MARCHF1: variants seen among roughly 807,000 people sequenced by gnomAD.
MARCHF1 encodes the protein E3 ubiquitin-protein ligase MARCHF1.
Under a neutral mutation model 54.2 loss-of-function variants are expected in MARCHF1, and 40 were observed. That is an observed-to-expected ratio of 0.74 (90% CI 0.57 to 0.96). MARCHF1 has a LOEUF of 0.96. Among genes scored for constraint, MARCHF1 ranks in the 40% least tolerant of loss-of-function variants. The pLI is 0.00. For missense variants in MARCHF1, 586 were observed against 656.5 expected (o/e 0.89, Z 1.17); for synonymous variants, 236 against 236.3 (o/e 1.00, Z 0.01).
At position 163,691,041 on chromosome 4, in the gene MARCHF1, A is replaced by G. The variant is rs141556593; in HGVS notation, c.162+9772T>C. Among the ~76,000 whole-genome samples, 549 of 152,296 alleles carry G rather than the reference A, an allele frequency of 3.6e-3. 5 individuals are homozygous for G. The highest frequency in any genetic ancestry group is 0.012 in the African/African-American group (519 of 41,558). On this transcript the variant is annotated intron_variant, in intron 5 of 9. Coordinates refer to ENST00000514618, the MANE Select transcript of MARCHF1 (RefSeq NM_001394959.1). The stretch of plus-strand genomic sequence containing the variant: ...TCTTGGGCCCAAGTATTATAAGTAT[A>G]TAAGGCAAAGCGTCATTTTATGGCT...
rs1339272761 is a variant in MARCHF1 at position 164,105,459 on chromosome 4, T to C, written c.-248+6129A>G. 5.0e-4 allele frequency among the ~76,000 whole-genome samples: 73 copies of C among 146,672 alleles called. No homozygotes were observed. The South Asian group carries it at 5.1e-3, about 10-fold the overall frequency. On this transcript the variant is annotated intron_variant, in intron 2 of 9. Transcript: ENST00000514618. ...AGAACAGAGCCCTCAGAAATAACGCTGCATATCTACAACTATCTGATCTTT... is the reference window on the plus strand; with the variant it reads ...AGAACAGAGCCCTCAGAAATAACGCCGCATATCTACAACTATCTGATCTTT...
At position 163,994,528 on chromosome 4, in the gene MARCHF1, C is replaced by A. The variant is rs148639458; in HGVS notation, c.-247-5819G>T. Among the ~76,000 whole-genome samples, 1,404 of 151,616 alleles carry A rather than the reference C, an allele frequency of 9.3e-3. 18 individuals are homozygous for A. The highest frequency in any genetic ancestry group is 0.031 in the African/African-American group (1,284 of 41,316). On this transcript the variant is annotated intron_variant, in intron 2 of 9. Transcript: ENST00000514618. The stretch of plus-strand genomic sequence containing the variant: ...GGTACATGTATACATATGTAACAAA[C>A]CTGCATGTTGTGCACATGCACCCTA...
chr4:163,546,316 T>C (rs1484909617), intron 8 of MARCHF1, among the ~76,000 whole-genome samples: 1 of 152,184 alleles, frequency 6.6e-6, no homozygotes, highest in Non-Finnish European at 1.5e-5. Flanking sequence ...AAAAATAATT[T>C]TCTATTCTCC....
At chr4:164,123,175 T>C (rs1032855917) in intron 1 of MARCHF1, among the ~76,000 whole-genome samples, 15 of 152,086 alleles carry the variant, frequency 9.9e-5, no homozygotes, top group African/African-American at 3.6e-4. Context: ...CAGTGAATAA[T>C]GTGAAAATGA....
rs1738085679 is a variant in MARCHF1 at position 163,525,856 on chromosome 4, T to G, written c.*2892A>C. 1 of 152,096 alleles carries G rather than the reference T, an allele frequency of 6.6e-6. No homozygotes were observed. The highest frequency in any genetic ancestry group is 1.5e-5 in the Non-Finnish European group (1 of 67,986). 9.4% of individuals were successfully genotyped at this position (152,096 alleles called of 1,614,324 possible). A position where few individuals can be genotyped will look rare whatever the true frequency, so the allele number is the denominator to read the frequency against. The stretch of plus-strand genomic sequence containing the variant: ...CACAAAGCTAAATCGTTTTATTGTT[T>G]GAAAGGGCAAATGTTCCATTGCCAC... On this transcript the variant is annotated 3_prime_UTR_variant, in exon 10 of 10. Coordinates refer to ENST00000514618, the MANE Select transcript of MARCHF1 (RefSeq NM_001394959.1).
intron 4 of MARCHF1, among the ~76,000 whole-genome samples, chr4:163,776,946 T>G (rs1299237809): frequency 2.6e-5 from 4 of 152,284 alleles, no homozygotes; most frequent in African/African-American, 9.6e-5. Flanking sequence ...ATACAATGCC[T>G]TTGTACTCCC....
At position 164,255,390 on chromosome 4, in the gene MARCHF1, T is replaced by TA. The variant is rs3060483; in HGVS notation, c.-323+128479dup. Among the ~76,000 whole-genome samples the TA allele has an allele frequency of 2.4e-3, 313 of 132,182 alleles. 2 individuals are homozygous for TA. The highest frequency in any genetic ancestry group is 3.5e-3 in the Non-Finnish European group (218 of 61,584). The allele number at this position is 132,182 out of a possible 152,430, so 86.7% of individuals were successfully genotyped here. ...ATGATCAATGAAAAGGCAAGAAAGA[T>TA]AAAAAAAAAAAAAAATCAATGAACA... On this transcript the variant is annotated intron_variant, in intron 1 of 9. Transcript: ENST00000514618.
intron 3 of MARCHF1, among the ~76,000 whole-genome samples, chr4:163,884,010 T>G (rs909721004): frequency 6.6e-6 from 1 of 152,140 alleles, no homozygotes; most frequent in Non-Finnish European, 1.5e-5. Context: ...AATAGTGGGA[T>G]AAGAAAATAG....
intron 4 of MARCHF1, among the ~76,000 whole-genome samples, chr4:163,726,347 C>G (rs1745652610): frequency 6.6e-6 from 1 of 152,174 alleles, no homozygotes; most frequent in Non-Finnish European, 1.5e-5. Context: ...TCTAGAATGT[C>G]ATATAATTGA....
At chr4:164,063,666 A>G (rs1291938691) in intron 2 of MARCHF1, among the ~76,000 whole-genome samples, 1 of 152,354 alleles carries the variant, frequency 6.6e-6, no homozygotes, top group Admixed American at 6.5e-5. Flanking sequence ...AGTAAAAGAG[A>G]CATTTTCATT....
intron 1 of MARCHF1, among the ~76,000 whole-genome samples, chr4:164,174,150 C>G (rs1310434192): frequency 6.6e-6 from 1 of 152,104 alleles, no homozygotes; most frequent in Non-Finnish European, 1.5e-5. Context: ...TGCTGAGATT[C>G]AATGTGCAAT....
chr4:163,578,948 G>C (rs1740127636), intron 8 of MARCHF1, among the ~76,000 whole-genome samples: 1 of 152,154 alleles, frequency 6.6e-6, no homozygotes, highest in African/African-American at 2.4e-5. Flanking sequence ...CTGGTGATGT[G>C]AACTGAACTC....
rs943645479 is a variant in MARCHF1, at chr4:163,807,815, T to TG, written c.111+46205_111+46206insC. On this transcript the variant is annotated intron_variant, in intron 4 of 9. Transcript: ENST00000514618. ...TGAGTAGTGAAATCATAGGTTTTTT[T>TG]TTGTTGTTTGCTTGTTTCTTTTGCC... is the stretch of plus-strand genomic sequence containing the variant. Among the ~76,000 whole-genome samples the TG allele has an allele frequency of 6.6e-5, 10 of 151,742 alleles. No individual in the cohort carries two copies. The South Asian group carries it at 8.4e-4, about 13-fold the overall frequency.
intron 3 of MARCHF1, among the ~76,000 whole-genome samples, chr4:163,950,036 G>A (rs1752103229): frequency 6.6e-6 from 1 of 152,196 alleles, no homozygotes; most frequent in Admixed American, 6.5e-5. Context: ...GGGTGGTCAT[G>A]GGCGGGCCCA....
chr4:164,155,977 CG>C (rs1560931135), intron 1 of MARCHF1, among the ~76,000 whole-genome samples: 1 of 152,006 alleles, frequency 6.6e-6, no homozygotes, highest in Non-Finnish European at 1.5e-5. Context: ...TCATAATTTT[CG>C]GGGGAAGTAT....
At chr4:164,213,203 T>TTTATTATTATTATTATTA (rs200182175) in intron 1 of MARCHF1, among the ~76,000 whole-genome samples, 24 of 141,782 alleles carry the variant, frequency 1.7e-4, no homozygotes, top group African/African-American at 4.9e-4. Flanking sequence ...GGCTTTTACT[T>TTTATTATTATTATTATTA]TTATTATTAT....
At chr4:164,152,150 C>T (rs1729959932) in intron 1 of MARCHF1, among the ~76,000 whole-genome samples, 1 of 152,014 alleles carries the variant, frequency 6.6e-6, no homozygotes, top group Non-Finnish European at 1.5e-5. Context: ...AAACATGTAC[C>T]TACATATATA....
At chr4:164,327,533 T>A (rs1375193329) in intron 1 of MARCHF1, among the ~76,000 whole-genome samples, 1 of 152,120 alleles carries the variant, frequency 6.6e-6, no homozygotes, top group Non-Finnish European at 1.5e-5. Context: ...AATAGTATGC[T>A]TGGGAATTTG....
chr4:164,072,016 A>AT, intron 2 of MARCHF1, among the ~76,000 whole-genome samples: 1 of 151,854 alleles, frequency 6.6e-6, no homozygotes, highest in African/African-American at 2.4e-5. Context: ...ATCTGCAGAT[A>AT]TTTTTTAACA....
Sources: gnomAD v4.1 joint callset for allele counts (sites outside exome capture counted in the v4.1 genomes callset) on GRCh38, gnomAD v4.1.1 for gene constraint, MANE v1.5 for transcripts, NCBI Gene and HGNC (gene_info 2026-07-23, HGNC 2026-07-21) for gene names.